GMDS: variants seen among roughly 807,000 people sequenced by gnomAD.
GMDS encodes GDP-mannose 4,6 dehydratase.
Under a neutral mutation model 49.9 loss-of-function variants are expected in GMDS, and 20 were observed. The observed-to-expected ratio is 0.40, with a 90% CI of 0.28 to 0.58. The LOEUF is 0.58. GMDS is among the 20% of genes least tolerant of loss of function. The probability of loss-of-function intolerance (pLI) is 0.42; values close to 1 mark genes in which losing one functional copy is unlikely to be tolerated. For missense variants in GMDS, 362 were observed against 481.4 expected (o/e 0.75, Z 2.32); for synonymous variants, 177 against 178.6 (o/e 0.99, Z 0.07).
At chr6:1,797,040 C>G (rs1769764549) in intron 7 of GMDS, among the ~76,000 whole-genome samples, 1 of 152,168 alleles carries the variant, frequency 6.6e-6, no homozygotes, top group African/African-American at 2.4e-5. Context: ...GGGACCAGTA[C>G]CAGTATATGG....
chr6:1,863,291 T>A (rs1414188704), intron 7 of GMDS, among the ~76,000 whole-genome samples: 2 of 152,112 alleles, frequency 1.3e-5, no homozygotes, highest in Non-Finnish European at 2.9e-5. Context: ...TTCTCGCAAG[T>A]AAAAAAGAAA....
chr6:1,955,832 A>G (rs2127287917), intron 6 of GMDS, among the ~76,000 whole-genome samples: 1 of 152,302 alleles, frequency 6.6e-6, no homozygotes, highest in South Asian at 2.1e-4. Flanking sequence ...CACAGAAGGC[A>G]GTCAAAACCG....
At chr6:2,009,055 G>A (rs1767382790) in intron 4 of GMDS, among the ~76,000 whole-genome samples, 2 of 152,166 alleles carry the variant, frequency 1.3e-5, no homozygotes, top group African/African-American at 2.4e-5. Flanking sequence ...ACAATCCAAT[G>A]AGCTAGGTAT....
At chr6:1,705,552 C>T (rs1437744232) in intron 9 of GMDS, among the ~76,000 whole-genome samples, 1 of 152,220 alleles carries the variant, frequency 6.6e-6, no homozygotes, top group Non-Finnish European at 1.5e-5. Context: ...AGAAGACAGA[C>T]TACATAATTA....
chr6:1,789,512 ATTTTTTCTTTTTC>A (rs1769443426), intron 7 of GMDS, among the ~76,000 whole-genome samples: 2 of 137,038 alleles, frequency 1.5e-5, no homozygotes, highest in Admixed American at 7.3e-5. Flanking sequence ...ACAAAAAATT[ATTTTTTCTTTTTC>A]TTTTTTCTTT....
At chr6:2,208,837 G>A (rs139969214) in intron 1 of GMDS, among the ~76,000 whole-genome samples, 50 of 147,398 alleles carry the variant, frequency 3.4e-4, no homozygotes, top group Middle Eastern at 3.4e-3. Flanking sequence ...TTCTAAGGCC[G>A]GTACAGTGGG....
chr6:1,786,203 T>C (rs1247029938), intron 7 of GMDS, among the ~76,000 whole-genome samples: 1 of 152,242 alleles, frequency 6.6e-6, no homozygotes, highest in African/African-American at 2.4e-5. Context: ...TGTTTTATCA[T>C]TTACAGTTCA....
At chr6:1,662,503 A>T (rs1056912795) in intron 9 of GMDS, among the ~76,000 whole-genome samples, 1 of 152,212 alleles carries the variant, frequency 6.6e-6, no homozygotes, top group African/African-American at 2.4e-5. Context: ...TCCAAGGATT[A>T]GAGTTCCCAC....
chr6:1,821,638 T>A (rs1037542575), intron 7 of GMDS, among the ~76,000 whole-genome samples: 8 of 91,962 alleles, frequency 8.7e-5, no homozygotes, highest in South Asian at 3.6e-4. Flanking sequence ...TTTTTTTTTT[T>A]ACCAAGATAA....
chr6:1,865,613 G>A (rs1368365678), intron 7 of GMDS, among the ~76,000 whole-genome samples: 2 of 152,088 alleles, frequency 1.3e-5, no homozygotes, highest in African/African-American at 2.4e-5. Flanking sequence ...ACCTCAGAAT[G>A]CTTAGGTTAA....
intron 9 of GMDS, among the ~76,000 whole-genome samples, chr6:1,639,970 G>C (rs1465827494): frequency 2.0e-5 from 3 of 152,236 alleles, no homozygotes; most frequent in Admixed American, 1.3e-4. Context: ...ACTGGGCCTA[G>C]GTTCCATGAT....
intron 8 of GMDS, among the ~76,000 whole-genome samples, chr6:1,731,834 C>T (rs533685596): frequency 1.3e-5 from 2 of 152,266 alleles, no homozygotes; most frequent in Admixed American, 6.5e-5. Flanking sequence ...GCAGTCCACA[C>T]GGGGTCAGGT....
chr6:2,053,819 T>A (rs577025500), intron 4 of GMDS, among the ~76,000 whole-genome samples: 4 of 152,120 alleles, frequency 2.6e-5, no homozygotes, highest in Non-Finnish European at 5.9e-5. Flanking sequence ...TTTCTAATAA[T>A]GGATAGGCAT....
Position 2,191,752 on chromosome 6 carries a change from C to T in GMDS, c.102+53569G>A, listed in dbSNP as rs530672381. Among the ~76,000 whole-genome samples the T allele has an allele frequency of 2.0e-5, 3 of 152,308 alleles. No individual in the cohort carries two copies. The highest frequency in any genetic ancestry group is 2.0e-4 in the Admixed American group (3 of 15,308). ...GACACTGAGAGCAGCTTGATGCTGG[C>T]CTGCAGGTACCCCATGGATGAGCAG... is the stretch of plus-strand genomic sequence containing the variant. On this transcript the variant is annotated intron_variant, in intron 1 of 10. Coordinates refer to ENST00000380815, the MANE Select transcript of GMDS (RefSeq NM_001500.4). This position sits in a 1 kb window ranked among gnomAD's most constrained non-coding sequence, Gnocchi z 4.6.
At chr6:1,709,220 T>C (rs1765855714) in intron 9 of GMDS, among the ~76,000 whole-genome samples, 1 of 152,224 alleles carries the variant, frequency 6.6e-6, no homozygotes. Flanking sequence ...GCCACCCTTG[T>C]AGTGCTGCTG....
chr6:1,944,586 C>A (rs903052723), intron 6 of GMDS, among the ~76,000 whole-genome samples: 1 of 146,808 alleles, frequency 6.8e-6, no homozygotes, highest in Non-Finnish European at 1.5e-5. Context: ...AGGAGAATGG[C>A]GTGAACCCAG....
chr6:1,732,158 T>G (rs548025045), intron 8 of GMDS, among the ~76,000 whole-genome samples: 1 of 152,156 alleles, frequency 6.6e-6, no homozygotes, highest in South Asian at 2.1e-4. Flanking sequence ...AAACCCTGTC[T>G]CTACTAAAAA....
At chr6:2,020,873 A>G (rs1460059733) in intron 4 of GMDS, among the ~76,000 whole-genome samples, 3 of 152,262 alleles carry the variant, frequency 2.0e-5, no homozygotes, top group African/African-American at 7.2e-5. Flanking sequence ...CTTAAACAGC[A>G]CATGCAGGGT....
At chr6:2,069,724 T>A (rs1336780603) in intron 4 of GMDS, among the ~76,000 whole-genome samples, 2 of 152,186 alleles carry the variant, frequency 1.3e-5, no homozygotes, top group Middle Eastern at 6.8e-3. Flanking sequence ...TGAGATACCA[T>A]CTCACACCAG....
Sources: gnomAD v4.1 joint callset for allele counts (sites outside exome capture counted in the v4.1 genomes callset) on GRCh38, gnomAD v4.1.1 for gene constraint, Gnocchi (gnomAD v3.1) non-coding constraint, MANE v1.5 for transcripts, NCBI Gene and HGNC (gene_info 2026-07-23, HGNC 2026-07-21) for gene names.